The following SCN3A variants were observed in gnomAD, a reference collection of about 807,000 sequenced individuals.
SCN3A encodes sodium channel protein type 3 subunit alpha.
A neutral mutation model predicts 187.6 loss-of-function variants in SCN3A; 60 were observed. The ratio of observed to expected loss-of-function variants is 0.32; its 90% CI spans 0.26 to 0.40. The LOEUF (loss-of-function observed/expected upper bound fraction) is 0.40, where lower values mean the gene tolerates loss of function less well. Among genes scored for constraint, SCN3A ranks in the 10% least tolerant of loss-of-function variants. The pLI, the probability that SCN3A is intolerant of heterozygous loss-of-function variation, is 1.00. For missense variants in SCN3A, 1,601 were observed against 2,428.2 expected (o/e 0.66, Z 7.16); for synonymous variants, 788 against 829.2 (o/e 0.95, Z 0.85).
At chr2:165,163,899 G>T (rs1689570784) in intron 6 of SCN3A, 190 bp from the exon 7 acceptor site, 4 of 1,612,566 alleles carry the variant, frequency 2.5e-6, no homozygotes, top group Non-Finnish European at 3.4e-6. Context: ...CATACCTGCA[G>T]AATTAAATCA....
intron 1 of SCN3A, among the ~76,000 whole-genome samples, chr2:165,187,651 C>A (rs572136160): frequency 6.6e-6 from 1 of 152,068 alleles, no homozygotes; most frequent in African/African-American, 2.4e-5. Context: ...ATTCTGTTAC[C>A]GGAGTGATGG....
intron 12 of SCN3A, among the ~76,000 whole-genome samples, chr2:165,146,179 T>G (rs1481234362): frequency 2.0e-5 from 3 of 152,060 alleles, no homozygotes; most frequent in Non-Finnish European, 4.4e-5. Flanking sequence ...TCCAGTTCTC[T>G]TAATCAAAGG....
chr2:165,178,439 A>C (rs970300165), intron 2 of SCN3A, among the ~76,000 whole-genome samples: 1 of 152,102 alleles, frequency 6.6e-6, no homozygotes, highest in East Asian at 1.9e-4. Context: ...CATTTTGCCC[A>C]GGCTGATCTC....
intron 26 of SCN3A, 22 bp downstream of exon 26, chr2:165,094,352 A>G (rs1685256167): frequency 6.4e-7 from 1 of 1,554,440 alleles, no homozygotes; most frequent in Non-Finnish European, 8.9e-7. Context: ...TTGGAACATT[A>G]AAGGAGACAA....
At position 165,116,942 on chromosome 2, in the gene SCN3A, A is replaced by G. The variant is rs530761401; in HGVS notation, c.3394-1367T>C. On this transcript the variant is annotated intron_variant, in intron 18 of 27. Coordinates refer to ENST00000283254, the MANE Select transcript of SCN3A (RefSeq NM_006922.4). ...ATAGTTCTTAGGGTCATGATAGCACAATTTTTTTTTTTTTTTTTTTTTTTA... is the reference window on the plus strand; with the variant it reads ...ATAGTTCTTAGGGTCATGATAGCACGATTTTTTTTTTTTTTTTTTTTTTTA... 4.9e-3 allele frequency among the ~76,000 whole-genome samples: 399 copies of G among 81,862 alleles called. 3 individuals are homozygous for G. Among genetic ancestry groups the G allele is most frequent in the African/African-American group, 0.02 (380 of 18,652 alleles). 53.7% of individuals were successfully genotyped at this position (81,862 alleles called of 152,430 possible). A position where few individuals can be genotyped will look rare whatever the true frequency, so the allele number is the denominator to read the frequency against.
chr2:165,135,131 G>C (rs1157324883), intron 15 of SCN3A, among the ~76,000 whole-genome samples: 1 of 151,980 alleles, frequency 6.6e-6, no homozygotes, highest in Non-Finnish European at 1.5e-5. Flanking sequence ...GGAAATGTTT[G>C]TTATGATGTT....
At chr2:165,178,014 G>A (rs1049867994) in intron 2 of SCN3A, among the ~76,000 whole-genome samples, 4 of 152,070 alleles carry the variant, frequency 2.6e-5, no homozygotes, top group Middle Eastern at 3.4e-3. Context: ...TCTAGGCTCC[G>A]TAGTAGTTTA....
chr2:165,127,598 G>A, intron 18 of SCN3A, 33 bp downstream of exon 18: 1 of 1,549,238 alleles, frequency 6.5e-7, no homozygotes, highest in South Asian at 1.1e-5. Context: ...GTTATCATAG[G>A]AAATGGAACA....
intron 5 of SCN3A, among the ~76,000 whole-genome samples, chr2:165,167,991 A>C (rs145186333): frequency 6.6e-6 from 1 of 152,122 alleles, no homozygotes; most frequent in African/African-American, 2.4e-5. Flanking sequence ...ATTTCAAGGG[A>C]GAAAGGATGA....
intron 21 of SCN3A, among the ~76,000 whole-genome samples, chr2:165,111,145 G>A (rs1178189936): frequency 1.3e-5 from 2 of 152,044 alleles, no homozygotes; most frequent in East Asian, 1.9e-4. Context: ...GACCAGCCTG[G>A]CCAACATGGC....
At position 165,092,366 on chromosome 2, in the gene SCN3A, G is replaced by A. The variant is rs935234222; in HGVS notation, c.4695C>T (p.Phe1565=). The A allele has an allele frequency of 6.2e-7, 1 of 1,613,956 alleles. No individual in the cohort carries two copies. Among genetic ancestry groups the A allele is most frequent in the Non-Finnish European group, 8.5e-7 (1 of 1,179,946 alleles). The change falls in exon 27 of 28, where the codon TTC becomes TTT. Residue 1565 remains phenylalanine, a synonymous_variant. Coordinates refer to ENST00000283254, the MANE Select transcript of SCN3A (RefSeq NM_006922.4). The surrounding 1 kb of genome is among the most constrained non-coding windows in gnomAD (Gnocchi z 4.2). ...TLVLSRINLV[F]IVLFTGEFVL... ...CAAATTCTCCAGTGAACAGAACAAT[G>A]AACACTAGGTTGATCCGGGACAAAA...
In SCN3A at chr2:165,147,774, C is replaced by G. The variant is rs923120735; in HGVS notation, c.1381-745G>C. Among the ~76,000 whole-genome samples, 6 of 152,220 alleles carry G rather than the reference C, an allele frequency of 3.9e-5. No homozygotes were observed. The East Asian group carries it at 9.6e-4, about 24-fold the overall frequency. On this transcript the variant is annotated intron_variant, in intron 11 of 27. Coordinates refer to ENST00000283254, the MANE Select transcript of SCN3A (RefSeq NM_006922.4). ...AATATTTTCTTTCTATATTGCAGCA[C>G]TAAGTATTCTTAAGCACTTTGAATT... is the stretch of plus-strand genomic sequence containing the variant.
At position 165,094,381 on chromosome 2, in the gene SCN3A, C is replaced by T. The variant is rs750477243; in HGVS notation, c.4529G>A (p.Arg1510His). 8.1e-6 allele frequency: 13 copies of T among 1,610,926 alleles called. No homozygotes were observed. The highest frequency in any genetic ancestry group is 2.2e-5 in the East Asian group (1 of 44,830). The change falls in exon 26 of 28, where the codon CGC becomes CAC. Residue 1510 changes from arginine to histidine, a missense_variant. By Grantham distance (29) the Arg-to-His change is conservative (BLOSUM62 0). This residue lies in a region of SCN3A where 320 missense variants were observed against 623.2 expected (regional missense o/e 0.51). Transcript: ENST00000283254. The part of the protein sequence containing the change: ...GSKKPQKPIP[R>H]PANKFQGMVF... ...GAGACAAGTAATTCTTACTGCTGGG[C>T]GAGGTATGGGTTTCTGAGGTTTCTT... is the stretch of plus-strand genomic sequence containing the variant.
chr2:165,161,629 G>A (rs1186441802), intron 9 of SCN3A, among the ~76,000 whole-genome samples: 2 of 152,156 alleles, frequency 1.3e-5, no homozygotes, highest in East Asian at 3.9e-4. Context: ...CTATCTCTCA[G>A]CTCTTAAAAA....
intron 5 of SCN3A, among the ~76,000 whole-genome samples, chr2:165,167,655 T>C (rs1480811979): frequency 1.3e-5 from 2 of 152,134 alleles, no homozygotes; most frequent in East Asian, 3.8e-4. Context: ...AATAACCTCA[T>C]ATGTGACTGA....
At position 165,170,409 on chromosome 2, in the gene SCN3A, CA is replaced by C; in HGVS notation, c.383+20del. The C allele has an allele frequency of 7.9e-7, 1 of 1,260,500 alleles. No homozygotes were observed. The highest frequency in any genetic ancestry group is 2.3e-5 in the East Asian group (1 of 43,060). 78.1% of individuals were successfully genotyped at this position (1,260,500 alleles called of 1,614,324 possible). A position where few individuals can be genotyped will look rare whatever the true frequency, so the allele number is the denominator to read the frequency against. ...TCAACTGTTAGAAATAGCATTTAGG[CA>C]ATTCACATTAAAAGGATATGAATGT... On this transcript the variant is annotated intron_variant, in intron 4 of 27. Transcript: ENST00000283254.
intron 23 of SCN3A, 77 bp from the exon 24 acceptor site, chr2:165,096,597 GTA>G: frequency 1.0e-6 from 1 of 976,718 alleles, no homozygotes; most frequent in South Asian, 1.4e-5. Context: ...AAATCTGACA[GTA>G]TTATAACAAA....
At chr2:165,104,723 CAT>C (rs1173898100) in intron 21 of SCN3A, among the ~76,000 whole-genome samples, 6 of 152,002 alleles carry the variant, frequency 3.9e-5, no homozygotes, top group South Asian at 2.1e-4. Context: ...ATTCATACCA[CAT>C]GTGACAAAAT....
intron 1 of SCN3A, among the ~76,000 whole-genome samples, chr2:165,201,235 G>T (rs1208504590): frequency 1.3e-5 from 2 of 152,012 alleles, no homozygotes; most frequent in Non-Finnish European, 2.9e-5. Context: ...AAACTCTCCA[G>T]GAATTGCCTG....
Sources: allele counts gnomAD v4.1 joint callset (sites outside exome capture counted in the v4.1 genomes callset), GRCh38; gene constraint gnomAD v4.1.1; regional missense constraint gnomAD v4.1.1; non-coding constraint Gnocchi (gnomAD v3.1); transcripts MANE v1.5; gene names NCBI Gene and HGNC (gene_info 2026-07-23, HGNC 2026-07-21).